The following PKHD1 variants were observed in gnomAD, a reference collection of about 807,000 sequenced individuals.
The protein encoded by PKHD1 is PKHD1 ciliary IPT domain containing fibrocystin/polyductin.
In PKHD1, 291 loss-of-function variants were observed where a neutral mutation model predicts 412.0. The observed-to-expected ratio is 0.71, with a 90% confidence interval of 0.64 to 0.78. PKHD1 has a LOEUF of 0.78. PKHD1 is among the 30% of genes least tolerant of loss of function. The pLI, the probability that PKHD1 is intolerant of heterozygous loss-of-function variation, is 0.00. For synonymous variants in PKHD1, 1,777 were observed against 1,821.5 expected, an observed-to-expected ratio of 0.98 and a Z score of 0.62; for missense variants, 4,825 against 4,950.7, an observed-to-expected ratio of 0.97 and a Z score of 0.76.
intron 35 of PKHD1, among the ~76,000 whole-genome samples, chr6:52,002,092 C>T (rs1468102675): frequency 2.0e-5 from 3 of 152,120 alleles, no homozygotes; most frequent in African/African-American, 7.2e-5. Context: ...GAAAATTTGC[C>T]CAAAGTTATA....
intron 28 of PKHD1, 147 bp from the exon 29 acceptor site, chr6:52,033,312 T>G: frequency 1.4e-6 from 1 of 702,442 alleles, no homozygotes; most frequent in South Asian, 1.6e-5. Context: ...TCCAAGTCTC[T>G]CTCTTCTCTA....
intron 35 of PKHD1, among the ~76,000 whole-genome samples, chr6:52,001,758 C>T (rs1201428458): frequency 6.6e-6 from 1 of 152,022 alleles, no homozygotes; most frequent in Non-Finnish European, 1.5e-5. Flanking sequence ...AAGAAAAAAA[C>T]AGCAAGAAAC....
chr6:51,862,015 A>C (rs966101469), intron 48 of PKHD1, among the ~76,000 whole-genome samples: 9 of 152,208 alleles, frequency 5.9e-5, no homozygotes, highest in African/African-American at 2.2e-4. Flanking sequence ...CAGGTGGACA[A>C]CTGCTTGTCA....
Position 52,053,236 on chromosome 6 carries a change from G to C in PKHD1, c.1980C>G (p.Cys660Trp), listed in dbSNP as rs1554214097. The part of the protein sequence containing the change: ...RTSPESWQFD[C>W]TDLWETCVRC... ...GCACACAAGTCTCCCAGAGGTCAGT[G>C]CAATCGAACTGCCAGCTGAAAAACA... Residue 660 changes from cysteine (C) to tryptophan (W), a missense_variant, in exon 21 of 67, where the codon TGC becomes TGG. Physicochemically the swap from Cys to Trp is radical, Grantham distance 215 (BLOSUM62 -2). Coordinates refer to ENST00000371117, the MANE Select transcript of PKHD1 (RefSeq NM_138694.4). The C allele has an allele frequency of 6.2e-7, 1 of 1,614,154 alleles. No homozygotes were observed.
chr6:51,775,475 T>C (rs1341483874), intron 54 of PKHD1, among the ~76,000 whole-genome samples: 1 of 151,960 alleles, frequency 6.6e-6, no homozygotes, highest in Non-Finnish European at 1.5e-5. Flanking sequence ...GTTGTATAAA[T>C]GTATCAATAA....
At chr6:51,827,371 T>C (rs79921467) in intron 52 of PKHD1, among the ~76,000 whole-genome samples, 8,315 of 152,170 alleles carry the variant, frequency 0.055, 238 homozygotes, top group South Asian at 0.071. Context: ...ACTGATGTTA[T>C]CTCATTTCAT....
chr6:51,678,943 A>C (rs1177834424), intron 60 of PKHD1, among the ~76,000 whole-genome samples: 1 of 152,016 alleles, frequency 6.6e-6, no homozygotes, highest in Non-Finnish European at 1.5e-5. Context: ...TTCCTGGCAC[A>C]CTCTTTACCC....
chr6:51,967,146 A>C (rs1792933563), intron 35 of PKHD1, among the ~76,000 whole-genome samples: 1 of 152,176 alleles, frequency 6.6e-6, no homozygotes, highest in South Asian at 2.1e-4. Context: ...TGTCATAGAA[A>C]AAAAAAATCA....
chr6:51,688,377 G>A (rs1282780860), intron 60 of PKHD1, among the ~76,000 whole-genome samples: 1 of 151,954 alleles, frequency 6.6e-6, no homozygotes, highest in Non-Finnish European at 1.5e-5. Context: ...CAAAAACTTA[G>A]AAACATCTCA....
chr6:52,025,238 A>C lies in PKHD1; in HGVS notation c.4572T>G (p.Leu1524=), dbSNP rs749014649. 16 of 1,614,146 alleles carry C rather than the reference A, an allele frequency of 9.9e-6. No individual in the cohort carries two copies. Among genetic ancestry groups the C allele is most frequent in the African/African-American group, 1.3e-5 (1 of 75,036 alleles). Residue 1524 remains leucine (L), a synonymous_variant, in exon 32 of 67, where the codon CTT becomes CTG. Coordinates refer to ENST00000371117, the MANE Select transcript of PKHD1 (RefSeq NM_138694.4). ...CATTAAAAAAAGTTACATTGCAAGG[A>C]AGTTGATCATCCACAAATACCATCG... ...DEPMVFVDDQ[L]PCNVTFFNAS... is the part of the protein sequence containing the mutation.
rs973615180 is a variant in PKHD1, at chr6:52,025,489, T to C, written c.4321A>G (p.Ile1441Val). 1.9e-6 allele frequency: 3 copies of C among 1,612,962 alleles called. No homozygotes were observed. Among genetic ancestry groups the C allele is most frequent in the Non-Finnish European group, 2.5e-6 (3 of 1,179,094 alleles). Reference protein sequence around the residue: ...CVILSLGDHTILCQVSLEGDP... With the variant: ...CVILSLGDHTVLCQVSLEGDP... Reference sequence around the variant, plus strand: ...CCCTCCAGGCTAACCTGGCAGAGAATGGTGTGGTCTCCCAAACTCAAAATC... The same window carrying C: ...CCCTCCAGGCTAACCTGGCAGAGAACGGTGTGGTCTCCCAAACTCAAAATC... The change falls in exon 32 of 67, where the codon ATT becomes GTT. Residue 1441 changes from isoleucine (I) to valine (V), a missense_variant. Coordinates refer to ENST00000371117, the MANE Select transcript of PKHD1 (RefSeq NM_138694.4).
Position 52,076,349 on chromosome 6 carries a change from TACC to T in PKHD1, c.391-19_391-17del, listed in dbSNP as rs1205673821. 6.3e-7 allele frequency: 1 copy of T among 1,598,032 alleles called. No individual in the cohort carries two copies. The highest frequency in any genetic ancestry group is 2.2e-5 in the East Asian group (1 of 44,778). On this transcript the variant is annotated splice_polypyrimidine_tract_variant and intron_variant, in intron 5 of 66. Coordinates refer to ENST00000371117, the MANE Select transcript of PKHD1 (RefSeq NM_138694.4). ...CCTTGGAAAACTGTTTAGAAAATAG[TACC>T]ACAAGTGAGCATGTCATTAAAATAT...
intron 36 of PKHD1, among the ~76,000 whole-genome samples, chr6:51,955,708 AAT>A (rs1791017936): frequency 6.6e-6 from 1 of 152,084 alleles, no homozygotes; most frequent in African/African-American, 2.4e-5. Flanking sequence ...ATCCTTTCAA[AAT>A]ATATATACTT....
At chr6:52,059,463 G>T (rs1189758362) in intron 15 of PKHD1, among the ~76,000 whole-genome samples, 1 of 151,512 alleles carries the variant, frequency 6.6e-6, no homozygotes, top group Non-Finnish European at 1.5e-5. Flanking sequence ...TGCCCAGGCT[G>T]GTCTCAAACT....
In PKHD1 at chr6:52,034,178, G is replaced by A. The variant is rs1224783294; in HGVS notation, c.3229-1013C>T. ...TAGAAAATAAAATAGGAACTCTAGGGGAAAAAAAAAAAAAAGAACTATAAA... is the reference window on the plus strand; with the variant it reads ...TAGAAAATAAAATAGGAACTCTAGGAGAAAAAAAAAAAAAAGAACTATAAA... On this transcript the variant is annotated intron_variant, in intron 28 of 66. Transcript: ENST00000371117. Among the ~76,000 whole-genome samples, 24 of 71,458 alleles carry A rather than the reference G, an allele frequency of 3.4e-4. No homozygotes were observed. In the East Asian group the frequency reaches 0.012, roughly 36 times the overall value. The allele number at this position is 71,458 out of a possible 152,430, so 46.9% of individuals were successfully genotyped here. A position where few individuals can be genotyped will look rare whatever the true frequency, so the allele number is the denominator to read the frequency against.
intron 35 of PKHD1, among the ~76,000 whole-genome samples, chr6:51,991,949 T>G (rs1797088151): frequency 1.3e-5 from 2 of 152,198 alleles, no homozygotes; most frequent in Non-Finnish European, 2.9e-5. Context: ...GGAGTTACTA[T>G]CTCTAAACTC....
chr6:51,667,125 C>T (rs1773954650), intron 60 of PKHD1, among the ~76,000 whole-genome samples: 1 of 147,474 alleles, frequency 6.8e-6, no homozygotes, highest in South Asian at 2.3e-4. Context: ...GCCACACTGA[C>T]TTCCACAATG....
At chr6:51,832,572 G>A in intron 51 of PKHD1, among the ~76,000 whole-genome samples, 1 of 152,072 alleles carries the variant, frequency 6.6e-6, no homozygotes, top group Admixed American at 6.6e-5. Context: ...AGGGCATTCA[G>A]GGTATCTCTG....
intron 62 of PKHD1, 116 bp downstream of exon 62, chr6:51,648,959 GTGCAACAAAT>G (rs1208196306): frequency 3.2e-5 from 28 of 881,506 alleles, no homozygotes; most frequent in Non-Finnish European, 4.9e-5. Flanking sequence ...GAAGCTCTAA[GTGCAACAAAT>G]TGCACCCAGT....
Sources: gnomAD v4.1 joint callset for allele counts (sites outside exome capture counted in the v4.1 genomes callset) on GRCh38, gnomAD v4.1.1 for gene constraint, MANE v1.5 for transcripts, NCBI Gene and HGNC (gene_info 2026-07-23, HGNC 2026-07-21) for gene names.